The following NEDD4L variants were observed in gnomAD, a reference collection of about 807,000 sequenced individuals.
NEDD4L encodes E3 ubiquitin-protein ligase NEDD4-like.
A neutral mutation model predicts 148.9 loss-of-function variants in NEDD4L; 54 were observed. The ratio of observed to expected loss-of-function variants is 0.36; its 90% CI spans 0.29 to 0.45. NEDD4L has a LOEUF of 0.45. NEDD4L is among the 20% of genes least tolerant of loss of function. The probability of loss-of-function intolerance (pLI) is 1.00; values close to 1 mark genes in which losing one functional copy is unlikely to be tolerated. For synonymous variants in NEDD4L, 433 were observed against 440.7 expected (o/e 0.98, Z 0.22); for missense variants, 856 against 1,233.8 (o/e 0.69, Z 4.59).
At chr18:58,348,107 C>G (rs956557361) in intron 16 of NEDD4L, among the ~76,000 whole-genome samples, 33 of 151,932 alleles carry the variant, frequency 2.2e-4, no homozygotes, top group African/African-American at 6.3e-4. Flanking sequence ...TCAGGTGATC[C>G]TCCCACCTCA....
chr18:58,316,471 A>G (rs536067933), intron 6 of NEDD4L, among the ~76,000 whole-genome samples: 7 of 152,300 alleles, frequency 4.6e-5, no homozygotes, highest in South Asian at 4.1e-4. Flanking sequence ...ACAAACTATA[A>G]TAGCATTTCC....
rs570623396 is a variant in NEDD4L at position 58,089,126 on chromosome 18, ATTTTTTTTT to A, written c.48+44435_48+44443del. On this transcript the variant is annotated intron_variant, in intron 1 of 30. Transcript: ENST00000400345. Reference sequence around the variant, plus strand: ...CTACCCATTCAAGTTTTATTTCATAATTTTTTTTTTTTTTTTTTTTTTTTTGAGATGGAG... The same window carrying A: ...CTACCCATTCAAGTTTTATTTCATAATTTTTTTTTTTTTTTTGAGATGGAG... Among the ~76,000 whole-genome samples, 152 of 100,984 alleles carry A rather than the reference ATTTTTTTTT, an allele frequency of 1.5e-3. 1 individual carries two copies. Among genetic ancestry groups the A allele is most frequent in the African/African-American group, 5.7e-3 (142 of 24,966 alleles). 66.2% of individuals were successfully genotyped at this position (100,984 alleles called of 152,430 possible).
At chr18:58,284,424 A>G (rs561393582) in intron 5 of NEDD4L, among the ~76,000 whole-genome samples, 1 of 152,326 alleles carries the variant, frequency 6.6e-6, no homozygotes, top group East Asian at 1.9e-4. Context: ...CAAGAAGAGA[A>G]ATAAGGGACT....
At chr18:58,117,861 T>C (rs2085959109) in intron 1 of NEDD4L, among the ~76,000 whole-genome samples, 1 of 152,212 alleles carries the variant, frequency 6.6e-6, no homozygotes, top group Non-Finnish European at 1.5e-5. Flanking sequence ...TATAGAATGT[T>C]TCCCGTCTTC....
At chr18:58,100,355 TG>T (rs1273216357) in intron 1 of NEDD4L, among the ~76,000 whole-genome samples, 9 of 152,336 alleles carry the variant, frequency 5.9e-5, no homozygotes, top group Admixed American at 2.0e-4. Context: ...GTAATGACAG[TG>T]TAATTTACTT....
rs1491088035 is a variant in NEDD4L, at chr18:58,234,123, TTC to T, written c.123-11302_123-11301del. Among the ~76,000 whole-genome samples, 12 of 19,820 alleles carry T rather than the reference TTC, an allele frequency of 6.1e-4. No individual in the cohort carries two copies. In the South Asian group the frequency reaches 0.017, roughly 28 times the overall value. 13.0% of individuals were successfully genotyped at this position (19,820 alleles called of 152,430 possible). A position where few individuals can be genotyped will look rare whatever the true frequency, so the allele number is the denominator to read the frequency against. On this transcript the variant is annotated intron_variant, in intron 2 of 30. Coordinates refer to ENST00000400345, the MANE Select transcript of NEDD4L (RefSeq NM_001144967.3). ...TTTCTTTTCTTTTCTTTTCTTTTCC[TTC>T]TTTTTTTCTTTCTTTCTCTCTCTCT...
intron 2 of NEDD4L, among the ~76,000 whole-genome samples, chr18:58,241,423 C>A (rs1045759885): frequency 1.1e-4 from 17 of 152,222 alleles, no homozygotes; most frequent in South Asian, 2.1e-4. Flanking sequence ...CAGCTCCAGC[C>A]TATCACTGGA....
chr18:58,287,248 A>G (rs1160665980), intron 5 of NEDD4L, among the ~76,000 whole-genome samples: 2 of 152,184 alleles, frequency 1.3e-5, no homozygotes, highest in African/African-American at 4.8e-5. Flanking sequence ...AGGCTCATTC[A>G]TTTCTGTTTA....
intron 1 of NEDD4L, among the ~76,000 whole-genome samples, chr18:58,158,658 A>G (rs1041688461): frequency 6.6e-6 from 1 of 152,210 alleles, no homozygotes; most frequent in African/African-American, 2.4e-5. Flanking sequence ...ACAGCATTGT[A>G]GAATTGAAAC....
intron 2 of NEDD4L, among the ~76,000 whole-genome samples, chr18:58,243,970 A>G (rs922953549): frequency 1.3e-5 from 2 of 152,226 alleles, no homozygotes; most frequent in African/African-American, 4.8e-5. Flanking sequence ...GAACACACAT[A>G]TGTGTACTAA....
chr18:58,177,490 C>G (rs56368128), intron 2 of NEDD4L, among the ~76,000 whole-genome samples: 191 of 152,266 alleles, frequency 1.3e-3, no homozygotes, highest in African/African-American at 4.3e-3. Context: ...GCCGGCGTCC[C>G]CACCCCAGGA....
Position 58,319,146 on chromosome 18 carries a change from G to T in NEDD4L, c.348+3114G>T, listed in dbSNP as rs776188898. Among the ~76,000 whole-genome samples, 5 of 152,144 alleles carry T rather than the reference G, an allele frequency of 3.3e-5. No individual in the cohort carries two copies. The South Asian group carries it at 6.2e-4, about 19-fold the overall frequency. ...TGCAGAATTCAAAATCATGGAGTTT[G>T]GAGGGACTTCAGAGACACTGATTCA... is the stretch of plus-strand genomic sequence containing the variant. On this transcript the variant is annotated intron_variant, in intron 6 of 30. Transcript: ENST00000400345.
intron 1 of NEDD4L, among the ~76,000 whole-genome samples, chr18:58,110,745 G>C (rs1267662432): frequency 1.3e-5 from 2 of 152,200 alleles, no homozygotes; most frequent in Non-Finnish European, 2.9e-5. Context: ...TTGTGTAAGA[G>C]ACCAAACCTT....
In NEDD4L at chr18:58,373,010, T is replaced by TTTAAA. The variant is rs60123505; in HGVS notation, c.2257-163_2257-159dup. 0.46 allele frequency: 259,287 copies of TTTAAA among 562,884 alleles called. 63,499 individuals carry two copies. The highest frequency in any genetic ancestry group is 0.76 in the African/African-American group (40,139 of 52,656). The allele number at this position is 562,884 out of a possible 1,614,324, so 34.9% of individuals were successfully genotyped here. A position where few individuals can be genotyped will look rare whatever the true frequency, so the allele number is the denominator to read the frequency against. Reference sequence around the variant, plus strand: ...ACTAAAGCAGTTTGTTTGTTTATAGTTTAAAGAGGAAGGTTTGGTTTAGGT... The same window carrying TTTAAA: ...ACTAAAGCAGTTTGTTTGTTTATAGTTTAAATTAAAGAGGAAGGTTTGGTTTAGGT... On this transcript the variant is annotated intron_variant, in intron 23 of 30. Coordinates refer to ENST00000400345, the MANE Select transcript of NEDD4L (RefSeq NM_001144967.3).
chr18:58,341,143 A>T lies in NEDD4L; in HGVS notation c.1231A>T (p.Thr411Ser). ...CTATGTCAATCATAACAATCGAACC[A>T]CAACTTGGACTCGACCTATCATGCA... ...TYYVNHNNRT[T>S]TWTRPIMQLA... The change falls in exon 14 of 31, where the codon ACA (threonine) becomes TCA (serine). Residue 411 changes from threonine (T) to serine (S), a missense_variant. Physicochemically the swap from Thr to Ser is moderately conservative, Grantham distance 58. Coordinates refer to ENST00000400345, the MANE Select transcript of NEDD4L (RefSeq NM_001144967.3). 1 of 1,612,906 alleles carries T rather than the reference A, an allele frequency of 6.2e-7. No homozygotes were observed. The highest frequency in any genetic ancestry group is 8.5e-7 in the Non-Finnish European group (1 of 1,179,574).
chr18:58,113,156 A>T (rs1335948585), intron 1 of NEDD4L, among the ~76,000 whole-genome samples: 1 of 152,234 alleles, frequency 6.6e-6, no homozygotes, highest in Non-Finnish European at 1.5e-5. Flanking sequence ...TGTTAGAGGA[A>T]CCCAAACTTA....
At chr18:58,108,679 C>T (rs564249502) in intron 1 of NEDD4L, among the ~76,000 whole-genome samples, 6 of 152,264 alleles carry the variant, frequency 3.9e-5, no homozygotes, top group African/African-American at 1.2e-4. Context: ...CCTCGGCCCC[C>T]CAAAGTGTTG....
At chr18:58,069,403 A>G (rs2144859849) in intron 1 of NEDD4L, among the ~76,000 whole-genome samples, 1 of 152,334 alleles carries the variant, frequency 6.6e-6, no homozygotes, top group Non-Finnish European at 1.5e-5. Flanking sequence ...GTAGAAATTT[A>G]GTAATGTGGG....
At position 58,278,345 on chromosome 18, in the gene NEDD4L, C is replaced by T. The variant is rs115060777; in HGVS notation, c.297+26291C>T. On this transcript the variant is annotated intron_variant, in intron 5 of 30. Transcript: ENST00000400345. ...TTTTTCATCTTCCACATCTGTCTGG[C>T]GTCCAGGCCCTGCCCCTCCTGCCTC... Among the ~76,000 whole-genome samples the T allele has an allele frequency of 1.7e-3, 266 of 152,330 alleles. 1 individual carries two copies. The highest frequency in any genetic ancestry group is 6.8e-3 in the Middle Eastern group (2 of 294).
Sources: allele counts gnomAD v4.1 joint callset (sites outside exome capture counted in the v4.1 genomes callset), GRCh38; gene constraint gnomAD v4.1.1; transcripts MANE v1.5; gene names NCBI Gene and HGNC (gene_info 2026-07-23, HGNC 2026-07-21).